CELF2: variants seen among roughly 807,000 people sequenced by gnomAD.
The protein encoded by CELF2 is CUG triplet repeat RNA-binding protein 2.
Under a neutral mutation model 62.6 loss-of-function variants are expected in CELF2, and 8 were observed. That is an observed-to-expected ratio of 0.13 (90% CI 0.07 to 0.23). The LOEUF (loss-of-function observed/expected upper bound fraction) is 0.23, where lower values mean the gene tolerates loss of function less well. Ranked by LOEUF, CELF2 falls within the 10% of genes least tolerant of loss-of-function variation. CELF2 has a pLI of 1.00. For synonymous variants in CELF2, 258 were observed against 250.0 expected (o/e 1.03, Z -0.30); for missense variants, 333 against 671.0 (o/e 0.50, Z 5.56).
intron 7 of CELF2, 85 bp from the exon 8 acceptor site, chr10:11,274,972 G>A: frequency 7.7e-7 from 1 of 1,293,508 alleles, no homozygotes; most frequent in Admixed American, 1.7e-5. Flanking sequence ...TGGAAATGCA[G>A]AGTAAACTGA....
At chr10:10,470,693 G>A in the CELF2 span, among the ~76,000 whole-genome samples, 1 of 150,746 alleles carries the variant, frequency 6.6e-6, no homozygotes. Context: ...CACTTTTAAG[G>A]CCCCATGTGA....
At position 10,849,842 on chromosome 10, in the gene CELF2, TA is replaced by T. The variant is rs34346996; in HGVS notation, c.53+51037del. ...TTAGGATATACACAAGCAATTGCTT[TA>T]AAAAAAAAAAATTGGCCAGCCAGGT... On this transcript the variant is annotated intron_variant, in intron 1 of 13. Coordinates refer to the CELF2 transcript ENST00000636488. Among the ~76,000 whole-genome samples, 414 of 148,474 alleles carry T rather than the reference TA, an allele frequency of 2.8e-3. 3 individuals are homozygous for T. The highest frequency in any genetic ancestry group is 6.1e-3 in the East Asian group (31 of 5,078).
the CELF2 span, among the ~76,000 whole-genome samples, chr10:10,611,309 G>A: frequency 6.6e-6 from 1 of 152,036 alleles, no homozygotes; most frequent in Non-Finnish European, 1.5e-5. Flanking sequence ...GCAAGCACTG[G>A]GCTTACCCTA....
rs938182217 is a variant in CELF2, at chr10:11,117,615, G to A, written c.75-47871G>A. Among the ~76,000 whole-genome samples the A allele has an allele frequency of 7.2e-5, 11 of 152,100 alleles. No individual in the cohort carries two copies. Among genetic ancestry groups the A allele is most frequent in the Non-Finnish European group, 1.2e-4 (8 of 68,020 alleles). ...TAAAAACAAAAACCACGTGTGTGATGGTATCATGACATGAATATGATCCTT... is the reference window on the plus strand; with the variant it reads ...TAAAAACAAAAACCACGTGTGTGATAGTATCATGACATGAATATGATCCTT... On this transcript the variant is annotated intron_variant, in intron 1 of 12. Transcript: ENST00000633077. The surrounding 1 kb of genome is among the most constrained non-coding windows in gnomAD (Gnocchi z 4.1).
At chr10:10,688,296 T>C in the CELF2 span, among the ~76,000 whole-genome samples, 1 of 152,214 alleles carries the variant, frequency 6.6e-6, no homozygotes, top group African/African-American at 2.4e-5. Flanking sequence ...TGCTTGTTTA[T>C]AAACAGATCT....
At chr10:11,066,698 A>G (rs1334745974) in intron 1 of CELF2, among the ~76,000 whole-genome samples, 2 of 130,658 alleles carry the variant, frequency 1.5e-5, no homozygotes, top group Non-Finnish European at 3.4e-5. Context: ...TGTGTGGATC[A>G]AGGTGTGTCT....
At chr10:10,812,020 T>C (rs751286822) in intron 1 of CELF2, among the ~76,000 whole-genome samples, 35 of 152,140 alleles carry the variant, frequency 2.3e-4, no homozygotes, top group Non-Finnish European at 7.4e-5. Context: ...ACAGTAAAGA[T>C]AATAATCCAC....
chr10:10,722,083 G>A, the CELF2 span, among the ~76,000 whole-genome samples: 1 of 152,154 alleles, frequency 6.6e-6, no homozygotes, highest in African/African-American at 2.4e-5. Flanking sequence ...CAGGAGGATT[G>A]CTTGAGGCCA....
At chr10:10,468,969 A>G in the CELF2 span, among the ~76,000 whole-genome samples, 78 of 151,942 alleles carry the variant, frequency 5.1e-4, no homozygotes, top group Non-Finnish European at 9.9e-4. Flanking sequence ...GATCCTCTTC[A>G]GACGTTTTAT....
Position 11,315,921 on chromosome 10 carries a change from G to A in CELF2, c.1096+1663G>A, listed in dbSNP as rs896051897. Among the ~76,000 whole-genome samples the A allele has an allele frequency of 6.6e-6, 1 of 152,194 alleles. No homozygotes were observed. The highest frequency in any genetic ancestry group is 2.4e-5 in the African/African-American group (1 of 41,438). On this transcript the variant is annotated intron_variant, in intron 10 of 12. Transcript: ENST00000633077. The surrounding 1 kb of genome is among the most constrained non-coding windows in gnomAD (Gnocchi z 5.8). ...CTAAAACAAGGACTTTGATTTGACC[G>A]CCTGCCTGTCCTTGGTCTGCAGAGT...
At chr10:11,137,589 AG>A (rs1396251201) in intron 1 of CELF2, among the ~76,000 whole-genome samples, 3 of 152,240 alleles carry the variant, frequency 2.0e-5, no homozygotes, top group African/African-American at 7.2e-5. Context: ...AATGTTAAAT[AG>A]ATGTTAAGCA....
the CELF2 span, among the ~76,000 whole-genome samples, chr10:10,576,977 T>C: frequency 6.6e-6 from 1 of 152,124 alleles, no homozygotes; most frequent in East Asian, 1.9e-4. Flanking sequence ...TTCACTCCCA[T>C]TACCTCAGCA....
In CELF2 at chr10:11,334,820, G is replaced by T. The variant is rs1417958081; in HGVS notation, c.*5767G>T. The T allele has an allele frequency of 6.6e-6, 1 of 152,186 alleles. No individual in the cohort carries two copies. The highest frequency in any genetic ancestry group is 1.5e-5 in the Non-Finnish European group (1 of 68,032). 9.4% of individuals were successfully genotyped at this position (152,186 alleles called of 1,614,324 possible). A position where few individuals can be genotyped will look rare whatever the true frequency, so the allele number is the denominator to read the frequency against. On this transcript the variant is annotated 3_prime_UTR_variant, in exon 13 of 13. Transcript: ENST00000633077. The stretch of plus-strand genomic sequence containing the variant: ...CTTAGACACTAATCACTTTCTAAAA[G>T]AAGTGAGTTCTCCAGGGAAGAAAAA...
the CELF2 span, among the ~76,000 whole-genome samples, chr10:10,742,552 C>T: frequency 8.1e-3 from 1,161 of 143,406 alleles, 4 homozygotes; most frequent in Non-Finnish European, 0.012. Flanking sequence ...TCCAAGATAG[C>T]ACCACAGTAC....
chr10:10,531,985 G>A, the CELF2 span, among the ~76,000 whole-genome samples: 5 of 152,194 alleles, frequency 3.3e-5, no homozygotes, highest in African/African-American at 1.2e-4. Context: ...AATAAGTAGA[G>A]GATTGACTGG....
chr10:10,759,655 A>G, the CELF2 span, among the ~76,000 whole-genome samples: 1 of 151,992 alleles, frequency 6.6e-6, no homozygotes, highest in Admixed American at 6.6e-5. Flanking sequence ...CCTTGGGCCC[A>G]ATGCTTGAGG....
intron 1 of CELF2, among the ~76,000 whole-genome samples, chr10:11,095,396 G>A (rs563369528): frequency 2.6e-5 from 4 of 152,288 alleles, no homozygotes; most frequent in South Asian, 4.1e-4. Context: ...ACTGAGGACC[G>A]TGGCAGAGTC....
intron 2 of CELF2, among the ~76,000 whole-genome samples, chr10:11,200,498 A>G (rs1297809730): frequency 6.6e-6 from 1 of 152,238 alleles, no homozygotes; most frequent in South Asian, 2.1e-4. Flanking sequence ...GCTTATTTTC[A>G]TGAATACCTG....
chr10:10,805,369 C>G (rs2055107822), intron 1 of CELF2, among the ~76,000 whole-genome samples: 1 of 152,178 alleles, frequency 6.6e-6, no homozygotes, highest in South Asian at 2.1e-4. Flanking sequence ...TTTACTACAC[C>G]TCAGAGAGGA....
Sources: allele counts gnomAD v4.1 joint callset (sites outside exome capture counted in the v4.1 genomes callset), GRCh38; gene constraint gnomAD v4.1.1; non-coding constraint Gnocchi (gnomAD v3.1); transcripts MANE v1.5; gene names NCBI Gene and HGNC (gene_info 2026-07-23, HGNC 2026-07-21).